Variants in DMD observed in about 807,000 individuals in gnomAD.
DMD encodes the protein mutant dystrophin.
Under a neutral mutation model 330.1 loss-of-function variants are expected in DMD, and 63 were observed. The observed-to-expected ratio is 0.19, with a 90% confidence interval of 0.16 to 0.24. The LOEUF (loss-of-function observed/expected upper bound fraction) is 0.24, where lower values mean the gene tolerates loss of function less well. Ranked by LOEUF, DMD falls within the 10% of genes least tolerant of loss-of-function variation. The pLI is 1.00. For synonymous variants in DMD, 1,223 were observed against 959.8 expected (o/e 1.27, Z -5.07); for missense variants, 3,344 against 2,684.1 (o/e 1.25, Z -5.43).
chrX:32,855,740 C>T (rs930149330), intron 2 of DMD, among the ~76,000 whole-genome samples: 43 of 111,857 alleles, frequency 3.8e-4, no homozygotes, highest in African/African-American at 1.3e-3. Context: ...ATAAAATCTC[C>T]AAGACACTGG....
At chrX:32,420,368 A>G (rs5972562) in intron 29 of DMD, among the ~76,000 whole-genome samples, 13,702 of 111,709 alleles carry the variant, frequency 0.12, 1,988 homozygotes, top group African/African-American at 0.41. Flanking sequence ...CAAAAGTCCA[A>G]ATCTGGGGAT....
At chrX:32,709,684 C>T (rs1206777525) in intron 7 of DMD, among the ~76,000 whole-genome samples, 1 of 111,510 alleles carries the variant, frequency 9.0e-6, no homozygotes, top group African/African-American at 3.3e-5. Context: ...TTGATTCATT[C>T]TCACCCATTA....
rs199747063 is a variant in DMD, at chrX:32,880,235, ATTT to A, written c.94-30418_94-30416del. ...GGTTTGTGACTTCATACTCCTCAGC[ATTT>A]TTTTTTTTTTTTAATCAGCCAATAG... On this transcript the variant is annotated intron_variant, in intron 2 of 78. Transcript: ENST00000357033. 5.9e-5 allele frequency among the ~76,000 whole-genome samples: 5 copies of A among 84,896 alleles called. 1 individual carries two copies. Among genetic ancestry groups the A allele is most frequent in the Middle Eastern group, 0.014 (2 of 139 alleles). 73.7% of individuals were successfully genotyped at this position (84,896 alleles called of 115,157 possible). A position where few individuals can be genotyped will look rare whatever the true frequency, so the allele number is the denominator to read the frequency against.
At chrX:32,191,165 T>C (rs908763401) in intron 44 of DMD, among the ~76,000 whole-genome samples, 6 of 111,709 alleles carry the variant, frequency 5.4e-5, no homozygotes, top group Admixed American at 4.8e-4. Flanking sequence ...AGATGGCTTT[T>C]TGTTGAGTCA....
chrX:31,208,468 A>G (rs927672251), intron 65 of DMD, among the ~76,000 whole-genome samples: 1 of 112,109 alleles, frequency 8.9e-6, no homozygotes, highest in Non-Finnish European at 1.9e-5. Context: ...TTTGAGGGGA[A>G]ACCTGAATAC....
intron 1 of DMD, among the ~76,000 whole-genome samples, chrX:33,142,967 GAAATA>G (rs1204368187): frequency 1.8e-5 from 2 of 111,427 alleles, no homozygotes; most frequent in East Asian, 2.8e-4. Flanking sequence ...CATATGAAAT[GAAATA>G]GTCATAGCTA....
At position 32,206,007 on chromosome X, in the gene DMD, C is replaced by T. The variant is rs759217162; in HGVS notation, c.6438+10909G>A. The T allele has an allele frequency of 8.3e-5, 40 of 481,409 alleles. No individual in the cohort carries two copies. In the East Asian group the frequency reaches 1.5e-3, roughly 18 times the overall value. The allele number at this position is 481,409 out of a possible 1,213,427, so 39.7% of individuals were successfully genotyped here. A position where few individuals can be genotyped will look rare whatever the true frequency, so the allele number is the denominator to read the frequency against. On this transcript the variant is annotated intron_variant, in intron 44 of 78. Coordinates refer to ENST00000357033, the MANE Select transcript of DMD (RefSeq NM_004006.3). ...GGTGGATAATAATGAAATTGAGCAA[C>T]AGTTATCTTTAAGAACGGTCAGTTT...
At chrX:32,818,805 C>T (rs939468532) in intron 5 of DMD, among the ~76,000 whole-genome samples, 2 of 109,889 alleles carry the variant, frequency 1.8e-5, no homozygotes, top group Non-Finnish European at 3.8e-5. Context: ...GTCACACCCT[C>T]TCTAGGGCAA....
At chrX:31,887,336 C>T (rs1038829508) in intron 47 of DMD, among the ~76,000 whole-genome samples, 3 of 111,877 alleles carry the variant, frequency 2.7e-5, no homozygotes, top group Middle Eastern at 4.6e-3. Context: ...AACTGCCACT[C>T]ATTGATTCTC....
At chrX:31,826,817 T>C (rs751266484) in intron 49 of DMD, among the ~76,000 whole-genome samples, 1 of 112,329 alleles carries the variant, frequency 8.9e-6, no homozygotes, top group African/African-American at 3.2e-5. Context: ...AAACTTTGAA[T>C]ATGCTAACTA....
At position 31,278,689 on chromosome X, in the gene DMD, T is replaced by C. The variant is rs181495500; in HGVS notation, c.9225-17673A>G. On this transcript the variant is annotated intron_variant, in intron 62 of 78. Coordinates refer to ENST00000357033, the MANE Select transcript of DMD (RefSeq NM_004006.3). ...CACGTTGCCTGTCTGAACAAAACAC[T>C]TCAAAACATAAACTGAGAAATGCCC... 1.1e-4 allele frequency among the ~76,000 whole-genome samples: 12 copies of C among 112,076 alleles called. No individual in the cohort carries two copies. In the East Asian group the frequency reaches 2.8e-3, roughly 26 times the overall value.
At chrX:32,554,819 AGGGAGGGG>A (rs2049993911) in intron 16 of DMD, among the ~76,000 whole-genome samples, 7 of 5,623 alleles carry the variant, frequency 1.2e-3, no homozygotes, top group Admixed American at 1.9e-3. Flanking sequence ...GGAGGGAGGG[AGGGAGGGG>A]GAGGGAGAGA....
intron 7 of DMD, among the ~76,000 whole-genome samples, chrX:32,808,417 C>T (rs1192656597): frequency 9.0e-6 from 1 of 111,454 alleles, no homozygotes; most frequent in Non-Finnish European, 1.9e-5. Flanking sequence ...ACTGAATTTC[C>T]ATTTTTATTT....
At chrX:32,049,156 G>A (rs1274691685) in intron 44 of DMD, among the ~76,000 whole-genome samples, 1 of 111,351 alleles carries the variant, frequency 9.0e-6, no homozygotes, top group Non-Finnish European at 1.9e-5. Context: ...GGCAATGAAG[G>A]GACCTCAAAG....
chrX:31,201,097 G>A (rs897769149), intron 67 of DMD, among the ~76,000 whole-genome samples: 16 of 109,781 alleles, frequency 1.5e-4, no homozygotes, highest in Non-Finnish European at 2.9e-4. Context: ...AGGCTGAGGT[G>A]GGTGGACAGC....
At chrX:31,587,341 CAAAT>C (rs2076657680) in intron 55 of DMD, among the ~76,000 whole-genome samples, 2 of 111,795 alleles carry the variant, frequency 1.8e-5, no homozygotes, top group Non-Finnish European at 3.8e-5. Flanking sequence ...GTTCTCACCA[CAAAT>C]AAAGTGTATG....
intron 1 of DMD, among the ~76,000 whole-genome samples, chrX:33,257,236 A>G (rs2052873226): frequency 9.0e-6 from 1 of 111,377 alleles, no homozygotes; most frequent in South Asian, 3.7e-4. Flanking sequence ...AACATAAAAA[A>G]TAAAAGTTTT....
At chrX:32,680,127 T>G (rs772986511) in intron 9 of DMD, among the ~76,000 whole-genome samples, 40 of 108,137 alleles carry the variant, frequency 3.7e-4, no homozygotes, top group Non-Finnish European at 6.3e-4. Flanking sequence ...TTGGTCAGGC[T>G]GGTCTCGAAC....
intron 29 of DMD, among the ~76,000 whole-genome samples, chrX:32,429,532 T>A (rs2098229409): frequency 9.3e-6 from 1 of 107,449 alleles, no homozygotes; most frequent in African/African-American, 3.4e-5. Context: ...TTTTCTACCA[T>A]CTATTTTTTT....
Sources: gnomAD v4.1 joint callset for allele counts (sites outside exome capture counted in the v4.1 genomes callset) on GRCh38, gnomAD v4.1.1 for gene constraint, MANE v1.5 for transcripts, NCBI Gene and HGNC (gene_info 2026-07-23, HGNC 2026-07-21) for gene names.